Variants in ERBB2 observed in about 807,000 individuals in gnomAD.
ERBB2 encodes receptor tyrosine-protein kinase erbB-2.
Under a neutral mutation model 149.0 loss-of-function variants are expected in ERBB2, and 61 were observed. The ratio of observed to expected loss-of-function variants is 0.41; its 90% CI spans 0.33 to 0.51. ERBB2 has a LOEUF of 0.51. ERBB2 is among the 20% of genes least tolerant of loss of function. The pLI is 0.25. For synonymous variants in ERBB2, 633 were observed against 678.8 expected, an observed-to-expected ratio of 0.93 and a Z score of 1.05; for missense variants, 1,205 against 1,655.1, an observed-to-expected ratio of 0.73 and a Z score of 4.72.
chr17:39,713,139 A>G (rs1443390977), intron 9 of ERBB2: 1 of 152,196 alleles, frequency 6.6e-6, no homozygotes, highest in Non-Finnish European at 1.5e-5. Flanking sequence ...ATTTCATTTT[A>G]TTTTTTGAGA....
Position 39,719,817 on chromosome 17 carries a change from C to T in ERBB2, c.1929C>T (p.Pro643=), listed in dbSNP as rs56110910. ...TGGACCTGGATGACAAGGGCTGCCC[C>T]GCCGAGCAGAGAGCCAGGTTGGCCT... is the stretch of plus-strand genomic sequence containing the variant. ...SCVDLDDKGC[P]AEQRASPLTS... Residue 643 remains proline (P), a synonymous_variant, in exon 16 of 27, where the codon CCC becomes CCT. Coordinates refer to ENST00000269571, the MANE Select transcript of ERBB2 (RefSeq NM_004448.4). The T allele has an allele frequency of 6.4e-4, 1,033 of 1,614,168 alleles. 1 individual carries two copies. The highest frequency in any genetic ancestry group is 1.1e-3 in the Admixed American group (67 of 60,022).
rs111286254 is a variant in ERBB2, at chr17:39,701,607, T to C, written c.73+1296T>C. ...GAGGGGCCCTCTGTGAGTGAGTGCATGGCCGTGTTATCTCTGCAGGTCTAC... is the reference window on the plus strand; with the variant it reads ...GAGGGGCCCTCTGTGAGTGAGTGCACGGCCGTGTTATCTCTGCAGGTCTAC... On this transcript the variant is annotated intron_variant, in intron 1 of 26. Transcript: ENST00000269571. 5.0e-3 allele frequency among the ~76,000 whole-genome samples: 768 copies of C among 152,226 alleles called. 2 individuals carry two copies. The highest frequency in any genetic ancestry group is 8.1e-3 in the Non-Finnish European group (551 of 68,004).
upstream of ERBB2, among the ~76,000 whole-genome samples, chr17:39,698,480 C>T (rs373936191): frequency 5.9e-5 from 9 of 152,128 alleles, 1 homozygote; most frequent in East Asian, 1.2e-3. Context: ...AGGATGGTCT[C>T]GATCTCCTGA....
Position 39,723,917 on chromosome 17 carries a change from C to A in ERBB2, c.2214C>A (p.Ile738=), listed in dbSNP as rs2145825112. 6.2e-7 allele frequency: 1 copy of A among 1,613,656 alleles called. No individual in the cohort carries two copies. Among genetic ancestry groups the A allele is most frequent in the Non-Finnish European group, 8.5e-7 (1 of 1,179,590 alleles). The change falls in exon 19 of 27, where the codon ATC becomes ATA. Residue 738 remains isoleucine, a synonymous_variant. Coordinates refer to ENST00000269571, the MANE Select transcript of ERBB2 (RefSeq NM_004448.4). This position sits in a 1 kb window ranked among gnomAD's most constrained non-coding sequence, Gnocchi z 6.2. ...SGAFGTVYKG[I]WIPDGENVKI... The stretch of plus-strand genomic sequence containing the variant: ...ATCCTCCTCTTTCTGCCCAGGGCAT[C>A]TGGATCCCTGATGGGGAGAATGTGA...
At chr17:39,719,385 C>T (rs2059327141) in intron 15 of ERBB2, among the ~76,000 whole-genome samples, 1 of 152,122 alleles carries the variant, frequency 6.6e-6, no homozygotes, top group African/African-American at 2.4e-5. Context: ...CATTTGCAAA[C>T]AGTATGTACA....
chr17:39,692,898 A>G (rs551867044), upstream of ERBB2, among the ~76,000 whole-genome samples: 38 of 151,976 alleles, frequency 2.5e-4, no homozygotes, highest in Non-Finnish European at 5.0e-4. Flanking sequence ...ACTCATCTCT[A>G]CAAAAACATA....
intron 7 of ERBB2, 32 bp downstream of exon 7, chr17:39,710,513 TTTTGGTGGGGAGG>T: frequency 6.2e-7 from 1 of 1,612,876 alleles, no homozygotes; most frequent in Non-Finnish European, 8.5e-7. Context: ...AGTTTTCTCA[TTTTGGTGGGGAGG>T]TTTGTTTCTG....
At chr17:39,720,778 T>C (rs997615232) in intron 16 of ERBB2, among the ~76,000 whole-genome samples, 1 of 152,124 alleles carries the variant, frequency 6.6e-6, no homozygotes, top group Non-Finnish European at 1.5e-5. Context: ...GCCTCCCAAG[T>C]AGCTGGGATT....
chr17:39,711,956 C>T lies in ERBB2; in HGVS notation c.930C>T (p.Ser310=), dbSNP rs974531857. 6.2e-7 allele frequency: 1 copy of T among 1,614,148 alleles called. No homozygotes were observed. Among genetic ancestry groups the T allele is most frequent in the Non-Finnish European group, 8.5e-7 (1 of 1,179,990 alleles). ...ACTACCTTTCTACGGACGTGGGATC[C>T]TGCACCCTCGTCTGCCCCCTGCACA... ...PYNYLSTDVG[S]CTLVCPLHNQ... The change falls in exon 8 of 27, where the codon TCC becomes TCT. Residue 310 remains serine, a synonymous_variant. Coordinates refer to ENST00000269571, the MANE Select transcript of ERBB2 (RefSeq NM_004448.4).
In ERBB2 at chr17:39,700,194, G is replaced by A. The variant is rs2058000788; in HGVS notation, c.-45G>A. 1 of 1,395,720 alleles carries A rather than the reference G, an allele frequency of 7.2e-7. No homozygotes were observed. The highest frequency in any genetic ancestry group is 9.3e-7 in the Non-Finnish European group (1 of 1,079,700). 86.5% of individuals were successfully genotyped at this position (1,395,720 alleles called of 1,614,324 possible). ...GCACCCCGCGCCCCGCGCCCTCCCA[G>A]CCGGGTCCAGCCGGAGCCATGGGGC... is the stretch of plus-strand genomic sequence containing the variant. On this transcript the variant is annotated 5_prime_UTR_variant, in exon 1 of 27. Coordinates refer to ENST00000269571, the MANE Select transcript of ERBB2 (RefSeq NM_004448.4).
At chr17:39,707,247 T>G in intron 2 of ERBB2, 106 bp downstream of exon 2, 1 of 1,009,294 alleles carries the variant, frequency 9.9e-7, no homozygotes. Context: ...GTTTCCTCTC[T>G]TGTTGTGGTT....
chr17:39,725,647 T>C lies in ERBB2; in HGVS notation c.2726-60T>C, dbSNP rs2059714903. 1 of 1,538,868 alleles carries C rather than the reference T, an allele frequency of 6.5e-7. No homozygotes were observed. Among genetic ancestry groups the C allele is most frequent in the Non-Finnish European group, 8.8e-7 (1 of 1,135,758 alleles). On this transcript the variant is annotated intron_variant, in intron 22 of 26. Transcript: ENST00000269571. This position sits in a 1 kb window ranked among gnomAD's most constrained non-coding sequence, Gnocchi z 4.6. ...ATGCTAGACTCCTGAGCAGAACCTC[T>C]GGCTCAGTACACTAAAGCTCCCTCT...
chr17:39,715,666 G>A (rs555335087), intron 11 of ERBB2, 74 bp from the exon 12 acceptor site: 1 of 1,569,820 alleles, frequency 6.4e-7, no homozygotes, highest in East Asian at 2.2e-5. Flanking sequence ...GTGTGCTGGG[G>A]ATGGAGGAAG....
At chr17:39,719,870 C>T (rs775188732) in intron 16 of ERBB2, 36 bp downstream of exon 16, 1 of 1,605,192 alleles carries the variant, frequency 6.2e-7, no homozygotes, top group Non-Finnish European at 8.5e-7. Flanking sequence ...CTTCATTGCC[C>T]TTCACTCCCC....
chr17:39,723,744 G>A lies in ERBB2; in HGVS notation c.2208+84G>A, dbSNP rs2059578550. On this transcript the variant is annotated intron_variant, in intron 18 of 26. Transcript: ENST00000269571. This position sits in a 1 kb window ranked among gnomAD's most constrained non-coding sequence, Gnocchi z 6.2. Reference sequence around the variant, plus strand: ...TGTGGTCGGCAGTTCTGATGGGAGGGGCAAGAGCTGGAGGCAGTGTTTGGG... The same window carrying A: ...TGTGGTCGGCAGTTCTGATGGGAGGAGCAAGAGCTGGAGGCAGTGTTTGGG... The A allele has an allele frequency of 6.5e-7, 1 of 1,544,616 alleles. No individual in the cohort carries two copies. Among genetic ancestry groups the A allele is most frequent in the African/African-American group, 1.4e-5 (1 of 73,290 alleles).
chr17:39,725,598 C>A lies in ERBB2; in HGVS notation c.2726-109C>A. ...GGGTAGGGTCTGTCTCCTGGCATCA[C>A]ATCTCCCCCTGCTACCTGCCATGAT... On this transcript the variant is annotated intron_variant, in intron 22 of 26. Transcript: ENST00000269571. The surrounding 1 kb of genome is among the most constrained non-coding windows in gnomAD (Gnocchi z 4.6). 1 of 1,319,916 alleles carries A rather than the reference C, an allele frequency of 7.6e-7. No homozygotes were observed. Among genetic ancestry groups the A allele is most frequent in the Non-Finnish European group, 1.1e-6 (1 of 950,536 alleles). 81.8% of individuals were successfully genotyped at this position (1,319,916 alleles called of 1,614,324 possible).
intron 3 of ERBB2, 24 bp downstream of exon 3, chr17:39,708,558 C>G (rs768573301): frequency 5.0e-6 from 8 of 1,593,930 alleles, no homozygotes; most frequent in Middle Eastern, 1.7e-4. Context: ...TCATTGAAAC[C>G]TTCTCTTGGT....
intron 3 of ERBB2, among the ~76,000 whole-genome samples, chr17:39,708,986 G>A (rs2145458744): frequency 6.6e-6 from 1 of 152,288 alleles, no homozygotes; most frequent in African/African-American, 2.4e-5. Context: ...TACACAGCTA[G>A]TGAGTGATGG....
intron 7 of ERBB2, among the ~76,000 whole-genome samples, chr17:39,710,685 T>C (rs2058744421): frequency 6.6e-6 from 1 of 152,226 alleles, no homozygotes; most frequent in Admixed American, 6.5e-5. Flanking sequence ...GGAGCCAGAC[T>C]GCCTGGGTTT....
Sources: gnomAD v4.1 joint callset for allele counts (sites outside exome capture counted in the v4.1 genomes callset) on GRCh38, gnomAD v4.1.1 for gene constraint, Gnocchi (gnomAD v3.1) non-coding constraint, MANE v1.5 for transcripts, NCBI Gene and HGNC (gene_info 2026-07-23, HGNC 2026-07-21) for gene names.